RBM34: variants seen among roughly 807,000 people sequenced by gnomAD.
The protein encoded by RBM34 is RNA binding motif protein 34.
RBM34 carries 39 observed loss-of-function variants against 44.6 expected under a neutral mutation model. The ratio of observed to expected loss-of-function variants is 0.87; its 90% confidence interval spans 0.68 to 1.14. RBM34 has a LOEUF of 1.14. Ranked by LOEUF, RBM34 falls within the 50% of genes most tolerant of loss-of-function variation. The pLI, the probability that RBM34 is intolerant of heterozygous loss-of-function variation, is 0.00. For synonymous variants in RBM34, 194 were observed against 184.0 expected (o/e 1.05, Z -0.44); for missense variants, 572 against 517.9 (o/e 1.10, Z -1.01).
chr1:235,156,295 C>T (rs1662440424), intron 3 of RBM34, among the ~76,000 whole-genome samples: 1 of 152,112 alleles, frequency 6.6e-6, no homozygotes, highest in African/African-American at 2.4e-5. Flanking sequence ...TGAACCACTG[C>T]ACCTGGCAAG....
At chr1:235,135,597 T>A (rs1661393330) in intron 10 of RBM34, 55 bp downstream of exon 10, 1 of 1,384,876 alleles carries the variant, frequency 7.2e-7, no homozygotes, top group African/African-American at 1.4e-5. Context: ...TGCAACAGTG[T>A]CAATGCCTCC....
intron 6 of RBM34, among the ~76,000 whole-genome samples, chr1:235,145,637 T>C (rs1308431515): frequency 6.6e-6 from 1 of 152,158 alleles, no homozygotes; most frequent in Non-Finnish European, 1.5e-5. Context: ...GGAACATAAA[T>C]AGGTTGCAAT....
chr1:235,159,442 G>A (rs1453862048), intron 3 of RBM34, among the ~76,000 whole-genome samples: 1 of 151,324 alleles, frequency 6.6e-6, no homozygotes, highest in Non-Finnish European at 1.5e-5. Context: ...CAGCTGCTCA[G>A]TAGGCTGAGG....
In RBM34 at chr1:235,148,428, A is replaced by C. The variant is rs762689756; in HGVS notation, c.677T>G (p.Leu226Arg). Reference protein sequence around the residue: ...FRSLIPAEGTLSKKLAAIKRK... With the variant: ...FRSLIPAEGTRSKKLAAIKRK... ...CTTTATTGCTGCCAACTTTTTGGAT[A>C]GCGTTCCCTCTGCTGGAATCTTTCA... Residue 226 changes from leucine (L) to arginine (R), a missense_variant, in exon 6 of 11, where the codon CTA becomes CGA. Transcript: ENST00000408888. 9 of 1,598,442 alleles carry C rather than the reference A, an allele frequency of 5.6e-6. No homozygotes were observed. The highest frequency in any genetic ancestry group is 7.7e-6 in the Non-Finnish European group (9 of 1,173,512).
At chr1:235,133,716 A>C (rs1661302317) in intron 10 of RBM34, among the ~76,000 whole-genome samples, 1 of 152,218 alleles carries the variant, frequency 6.6e-6, no homozygotes, top group South Asian at 2.1e-4. Flanking sequence ...TATGACAATA[A>C]AAAAATTTAT....
chr1:235,144,244 T>C (rs1001086718), intron 6 of RBM34, among the ~76,000 whole-genome samples: 1 of 151,728 alleles, frequency 6.6e-6, no homozygotes, highest in Non-Finnish European at 1.5e-5. Context: ...TAGACAAGAG[T>C]ATATCCTGTA....
chr1:235,157,958 A>G (rs1423272221), intron 3 of RBM34, among the ~76,000 whole-genome samples: 1 of 152,044 alleles, frequency 6.6e-6, no homozygotes, highest in Non-Finnish European at 1.5e-5. Flanking sequence ...GAGAAGGGAG[A>G]GAGTACAAGA....
chr1:235,140,532 G>C (rs1661636887), intron 6 of RBM34, among the ~76,000 whole-genome samples: 1 of 152,252 alleles, frequency 6.6e-6, no homozygotes, highest in South Asian at 2.1e-4. Context: ...CCTTCCCGCA[G>C]GGCAGGGTTC....
At chr1:235,144,854 G>A (rs951022149) in intron 6 of RBM34, among the ~76,000 whole-genome samples, 1 of 152,212 alleles carries the variant, frequency 6.6e-6, no homozygotes, top group Non-Finnish European at 1.5e-5. Flanking sequence ...AGACCAGCCT[G>A]ACCAACATGG....
intron 3 of RBM34, among the ~76,000 whole-genome samples, chr1:235,157,585 G>T (rs569946192): frequency 4.0e-5 from 6 of 151,684 alleles, no homozygotes; most frequent in African/African-American, 1.4e-4. Context: ...ATCACGGTGG[G>T]CACAAGAGAT....
At chr1:235,154,820 A>T in intron 4 of RBM34, 61 bp downstream of exon 4, 1 of 1,321,030 alleles carries the variant, frequency 7.6e-7, no homozygotes, top group Non-Finnish European at 1.1e-6. Context: ...TTGAATGCTT[A>T]TTCAACACAG....
intron 6 of RBM34, among the ~76,000 whole-genome samples, chr1:235,144,064 G>A (rs773939884): frequency 5.3e-5 from 8 of 151,720 alleles, no homozygotes; most frequent in Non-Finnish European, 1.0e-4. Flanking sequence ...GTAGTCCCAG[G>A]TATTTAGGAG....
At chr1:235,159,816 C>T (rs932810629) in intron 3 of RBM34, among the ~76,000 whole-genome samples, 5 of 148,084 alleles carry the variant, frequency 3.4e-5, no homozygotes, top group African/African-American at 1.0e-4. Context: ...TTGCAGTGAG[C>T]TGAGATCAGG....
In RBM34 at chr1:235,160,630, CGTTT is replaced by C. The variant is rs1662669605; in HGVS notation, c.242_245del (p.Lys81ArgfsTer25). 1 of 1,610,782 alleles carries C rather than the reference CGTTT, an allele frequency of 6.2e-7. No homozygotes were observed. The highest frequency in any genetic ancestry group is 8.5e-7 in the Non-Finnish European group (1 of 1,179,310). ...TACTTTCTTCCTCCTCATTCCGTTT[CGTTT>C]TTTTGATGGTTTGCTTTTTAAAAGT... On this transcript the variant is annotated frameshift_variant, in exon 3 of 11. Coordinates refer to ENST00000408888, the MANE Select transcript of RBM34 (RefSeq NM_015014.4). LOFTEE classifies it high-confidence loss of function.
chr1:235,131,188 T>C lies in RBM34; in HGVS notation c.*525A>G, dbSNP rs1661182379. ...GAACTTGAGCACACACGGAGTAAGG[T>C]TAAGAGCAGAGGTTTAATAGGCAAA... On this transcript the variant is annotated 3_prime_UTR_variant, in exon 11 of 11. Transcript: ENST00000408888. The C allele has an allele frequency of 6.5e-6, 1 of 153,024 alleles. No homozygotes were observed. Among genetic ancestry groups the C allele is most frequent in the Non-Finnish European group, 1.5e-5 (1 of 68,722 alleles). The allele number at this position is 153,024 out of a possible 1,614,324, so 9.5% of individuals were successfully genotyped here.
chr1:235,146,722 G>A (rs1281775644), intron 6 of RBM34, among the ~76,000 whole-genome samples: 3 of 152,178 alleles, frequency 2.0e-5, no homozygotes, highest in African/African-American at 7.2e-5. Flanking sequence ...CTGGGATCAA[G>A]CGATTCTCTT....
chr1:235,160,761 G>A, intron 2 of RBM34, 114 bp from the exon 3 acceptor site: 1 of 1,504,196 alleles, frequency 6.6e-7, no homozygotes, highest in Non-Finnish European at 9.0e-7. Context: ...GTATGTAAGA[G>A]TCATGAAAGG....
chr1:235,141,791 G>A (rs374352995), intron 6 of RBM34, among the ~76,000 whole-genome samples: 1 of 152,086 alleles, frequency 6.6e-6, no homozygotes, highest in African/African-American at 2.4e-5. Context: ...TCACTGCGAA[G>A]GTCTGCAGCT....
At chr1:235,144,159 G>A (rs1661803952) in intron 6 of RBM34, among the ~76,000 whole-genome samples, 1 of 151,986 alleles carries the variant, frequency 6.6e-6, no homozygotes, top group Admixed American at 6.6e-5. Context: ...CTGGGCAACA[G>A]CAGAAGACAC....
Sources: allele counts gnomAD v4.1 joint callset (sites outside exome capture counted in the v4.1 genomes callset), GRCh38; gene constraint gnomAD v4.1.1; transcripts MANE v1.5; gene names NCBI Gene and HGNC (gene_info 2026-07-23, HGNC 2026-07-21).